The following NEGR1 variants were observed in gnomAD, a reference collection of about 807,000 sequenced individuals.
The protein encoded by NEGR1 is neuronal growth regulator 1.
NEGR1 carries 10 observed loss-of-function variants against 40.9 expected under a neutral mutation model. The observed-to-expected ratio is 0.24, with a 90% CI of 0.15 to 0.42. The LOEUF (loss-of-function observed/expected upper bound fraction) is 0.42. Among genes scored for constraint, NEGR1 ranks in the 10% least tolerant of loss-of-function variants. NEGR1 has a pLI of 1.00. For synonymous variants in NEGR1, 185 were observed against 166.8 expected (o/e 1.11, Z -0.84); for missense variants, 352 against 438.9 (o/e 0.80, Z 1.77).
intron 3 of NEGR1, among the ~76,000 whole-genome samples, chr1:71,731,590 T>G (rs559951824): frequency 6.6e-6 from 1 of 152,352 alleles, no homozygotes; most frequent in East Asian, 1.9e-4. Flanking sequence ...ACAAGATTTT[T>G]CTTTTTTTAA....
At position 72,238,704 on chromosome 1, in the gene NEGR1, T is replaced by C. The variant is rs1012232874; in HGVS notation, c.176+43615A>G. ...TTTGTGCAATTCTATTATATAACCC[T>C]ATTGTATTTCAACTGGAATAATCAC... On this transcript the variant is annotated intron_variant, in intron 1 of 6. Transcript: ENST00000357731. Among the ~76,000 whole-genome samples, 7 of 151,876 alleles carry C rather than the reference T, an allele frequency of 4.6e-5. No homozygotes were observed. In the South Asian group the frequency reaches 8.3e-4, roughly 18 times the overall value.
chr1:71,496,543 G>A (rs1646964625), intron 6 of NEGR1, among the ~76,000 whole-genome samples: 1 of 152,092 alleles, frequency 6.6e-6, no homozygotes, highest in African/African-American at 2.4e-5. Context: ...GAGCTGTAAG[G>A]AGACCAGGAT....
At chr1:72,155,697 A>G (rs1403723575) in intron 1 of NEGR1, among the ~76,000 whole-genome samples, 5 of 152,090 alleles carry the variant, frequency 3.3e-5, no homozygotes, top group Admixed American at 6.6e-5. Context: ...GCAGAATGAT[A>G]TATTGAATTT....
chr1:72,247,488 C>T (rs890581176), intron 1 of NEGR1, among the ~76,000 whole-genome samples: 11 of 152,190 alleles, frequency 7.2e-5, no homozygotes, highest in African/African-American at 2.7e-4. Context: ...CTCTGACCTT[C>T]AAACATCCAC....
At chr1:71,566,763 A>G (rs1283546519) in intron 6 of NEGR1, among the ~76,000 whole-genome samples, 1 of 152,182 alleles carries the variant, frequency 6.6e-6, no homozygotes, top group East Asian at 1.9e-4. Flanking sequence ...GTAAGAGGAC[A>G]CCATAGACTG....
chr1:71,978,790 T>G (rs745934193), intron 1 of NEGR1, among the ~76,000 whole-genome samples: 1 of 152,150 alleles, frequency 6.6e-6, no homozygotes, highest in Non-Finnish European at 1.5e-5. Flanking sequence ...TGGAATGAAG[T>G]TCGGCGATTC....
rs982649367 is a variant in NEGR1 at position 71,404,806 on chromosome 1, C to G, written c.*2640G>C. On this transcript the variant is annotated 3_prime_UTR_variant, in exon 7 of 7. Transcript: ENST00000357731. ...AAAGATAAATCAATTTATAAAACTGCTATTCTGAAATTGCAACAATCTTGT... is the reference window on the plus strand; with the variant it reads ...AAAGATAAATCAATTTATAAAACTGGTATTCTGAAATTGCAACAATCTTGT... 1 of 152,160 alleles carries G rather than the reference C, an allele frequency of 6.6e-6. No homozygotes were observed. Among genetic ancestry groups the G allele is most frequent in the East Asian group, 1.9e-4 (1 of 5,190 alleles). The allele number at this position is 152,160 out of a possible 1,614,324, so 9.4% of individuals were successfully genotyped here.
At chr1:72,134,497 C>T (rs1428974099) in intron 1 of NEGR1, among the ~76,000 whole-genome samples, 3 of 151,906 alleles carry the variant, frequency 2.0e-5, no homozygotes, top group African/African-American at 7.2e-5. Context: ...AGCCACCGCA[C>T]CTGGCTATTT....
At chr1:71,718,335 G>A (rs1343728655) in intron 3 of NEGR1, among the ~76,000 whole-genome samples, 3 of 152,050 alleles carry the variant, frequency 2.0e-5, no homozygotes, top group Admixed American at 2.0e-4. Context: ...ACTCTCGCTT[G>A]CTCCTACTGT....
At chr1:72,192,409 G>C (rs966211228) in intron 1 of NEGR1, among the ~76,000 whole-genome samples, 1 of 151,796 alleles carries the variant, frequency 6.6e-6, no homozygotes, top group African/African-American at 2.4e-5. Context: ...TTGGCAGATA[G>C]TAAAATACAT....
intron 6 of NEGR1, among the ~76,000 whole-genome samples, chr1:71,496,474 T>G (rs1646964088): frequency 6.6e-6 from 1 of 152,174 alleles, no homozygotes; most frequent in South Asian, 2.1e-4. Flanking sequence ...GGCCAGAAGT[T>G]TGATATCCTT....
At chr1:71,819,627 T>C (rs1022355254) in intron 2 of NEGR1, among the ~76,000 whole-genome samples, 2 of 151,988 alleles carry the variant, frequency 1.3e-5, no homozygotes, top group African/African-American at 4.8e-5. Context: ...AGAATCATCT[T>C]GGGAAGTATA....
intron 4 of NEGR1, among the ~76,000 whole-genome samples, chr1:71,686,679 A>G (rs1653051432): frequency 2.0e-5 from 3 of 152,224 alleles, no homozygotes; most frequent in Non-Finnish European, 4.4e-5. Context: ...AGATGAAAAC[A>G]GTATTCGATA....
At chr1:72,156,912 T>C (rs1031930987) in intron 1 of NEGR1, among the ~76,000 whole-genome samples, 2 of 151,648 alleles carry the variant, frequency 1.3e-5, no homozygotes, top group Non-Finnish European at 1.5e-5. Flanking sequence ...ATTCTATATA[T>C]TAATAAAACA....
At chr1:71,816,683 A>G (rs1658227941) in intron 2 of NEGR1, among the ~76,000 whole-genome samples, 1 of 152,014 alleles carries the variant, frequency 6.6e-6, no homozygotes, top group South Asian at 2.1e-4. Context: ...CAACACAGCT[A>G]AACCATATCA....
intron 6 of NEGR1, among the ~76,000 whole-genome samples, chr1:71,566,923 C>A (rs1453527002): frequency 8.5e-5 from 13 of 152,120 alleles, no homozygotes; most frequent in Non-Finnish European, 1.9e-4. Context: ...GGCAAACAAG[C>A]TCCCTCAGGC....
chr1:71,719,606 C>G (rs1230151520), intron 3 of NEGR1, among the ~76,000 whole-genome samples: 1 of 151,210 alleles, frequency 6.6e-6, no homozygotes, highest in Non-Finnish European at 1.5e-5. Flanking sequence ...TCTGGACAGA[C>G]TAGACAGGAG....
intron 6 of NEGR1, among the ~76,000 whole-genome samples, chr1:71,527,486 A>C (rs1647233443): frequency 6.6e-6 from 1 of 151,508 alleles, no homozygotes; most frequent in South Asian, 2.1e-4. Context: ...CTAGTCATTA[A>C]GATTTTCGAA....
At chr1:71,846,085 T>C (rs531235036) in intron 2 of NEGR1, among the ~76,000 whole-genome samples, 1 of 152,106 alleles carries the variant, frequency 6.6e-6, no homozygotes, top group East Asian at 1.9e-4. Flanking sequence ...TTAAATCATG[T>C]GGTCTGACCC....
Sources: allele counts gnomAD v4.1 joint callset (sites outside exome capture counted in the v4.1 genomes callset), GRCh38; gene constraint gnomAD v4.1.1; transcripts MANE v1.5; gene names NCBI Gene and HGNC (gene_info 2026-07-23, HGNC 2026-07-21).